LRRC3B: variants seen among roughly 807,000 people sequenced by gnomAD.
The protein encoded by LRRC3B is leucine-rich repeat-containing protein 3B.
Under a neutral mutation model 12.8 loss-of-function variants are expected in LRRC3B, and 2 were observed. That is an observed-to-expected ratio of 0.16 (90% CI 0.06 to 0.49). LRRC3B has a LOEUF of 0.49. LRRC3B is among the 20% of genes least tolerant of loss of function. LRRC3B has a pLI of 0.96. For missense variants in LRRC3B, 189 were observed against 319.4 expected, an observed-to-expected ratio of 0.59 and a Z score of 3.11; for synonymous variants, 132 against 122.0, an observed-to-expected ratio of 1.08 and a Z score of -0.54.
chr3:26,691,037 G>A (rs749087987), intron 1 of LRRC3B, among the ~76,000 whole-genome samples: 12 of 145,254 alleles, frequency 8.3e-5, no homozygotes, highest in East Asian at 2.0e-4. Flanking sequence ...ATATATATGT[G>A]TGTATATATG....
intron 1 of LRRC3B, among the ~76,000 whole-genome samples, chr3:26,676,259 G>A (rs1575151770): frequency 1.6e-5 from 2 of 124,876 alleles, no homozygotes; most frequent in East Asian, 2.3e-4. Context: ...ACAGGCCCTG[G>A]TGTGTGATGT....
intron 1 of LRRC3B, among the ~76,000 whole-genome samples, chr3:26,697,625 T>G (rs1259876244): frequency 6.6e-6 from 1 of 152,152 alleles, no homozygotes; most frequent in Admixed American, 6.5e-5. Context: ...TCCGAAAGAT[T>G]TACATCCATC....
At chr3:26,645,981 C>G (rs188554377) in intron 1 of LRRC3B, among the ~76,000 whole-genome samples, 11 of 152,326 alleles carry the variant, frequency 7.2e-5, no homozygotes, top group Non-Finnish European at 1.2e-4. Flanking sequence ...GGATCTGTTT[C>G]TGACTGTGGT....
chr3:26,624,353 A>C (rs1698573776), intron 1 of LRRC3B: 1 of 152,708 alleles, frequency 6.5e-6, no homozygotes, highest in Non-Finnish European at 1.5e-5. Flanking sequence ...TCACCTCTGC[A>C]GCCAGGTCGG....
chr3:26,664,610 C>A (rs1167959634), intron 1 of LRRC3B, among the ~76,000 whole-genome samples: 1 of 152,086 alleles, frequency 6.6e-6, no homozygotes, highest in African/African-American at 2.4e-5. Context: ...GGAAGTGGTC[C>A]TGTGAAACAC....
chr3:26,630,106 CA>C (rs1177713499), intron 1 of LRRC3B, among the ~76,000 whole-genome samples: 1 of 149,020 alleles, frequency 6.7e-6, no homozygotes, highest in African/African-American at 2.5e-5. Flanking sequence ...TAAGAGAAGA[CA>C]AAAAAAAGAG....
chr3:26,687,314 T>A (rs953101668), intron 1 of LRRC3B, among the ~76,000 whole-genome samples: 1 of 152,246 alleles, frequency 6.6e-6, no homozygotes, highest in African/African-American at 2.4e-5. Flanking sequence ...CTTGGCATAA[T>A]CTTTTAAGGA....
intron 1 of LRRC3B, among the ~76,000 whole-genome samples, chr3:26,708,068 T>G (rs142442035): frequency 1.2e-3 from 185 of 152,356 alleles, no homozygotes; most frequent in Non-Finnish European, 2.0e-3. Context: ...TTCTGTGAGT[T>G]TGGTAACATT....
intron 1 of LRRC3B, among the ~76,000 whole-genome samples, chr3:26,665,609 A>T (rs1699582494): frequency 6.6e-6 from 1 of 152,210 alleles, no homozygotes; most frequent in Non-Finnish European, 1.5e-5. Context: ...TGTGAAAAGT[A>T]AATAAACTGA....
In LRRC3B at chr3:26,685,848, A is replaced by T. The variant is rs148661689; in HGVS notation, c.-160-23665A>T. ...TGTCATTTAGTGGTTCAGTGGGGGC[A>T]CATGCCCAGATATGCTCCATCAATA... On this transcript the variant is annotated intron_variant, in intron 1 of 1. Transcript: ENST00000396641. 8.2e-4 allele frequency among the ~76,000 whole-genome samples: 124 copies of T among 152,082 alleles called. No homozygotes were observed. The Middle Eastern group carries it at 0.024, about 29-fold the overall frequency.
intron 1 of LRRC3B, among the ~76,000 whole-genome samples, chr3:26,650,441 A>G (rs1445317044): frequency 6.6e-6 from 1 of 152,208 alleles, no homozygotes; most frequent in Admixed American, 6.5e-5. Context: ...TAGATCTGGA[A>G]ATGAAGAGAA....
At chr3:26,685,622 T>TATAC (rs2125445085) in intron 1 of LRRC3B, among the ~76,000 whole-genome samples, 1 of 114,380 alleles carries the variant, frequency 8.7e-6, no homozygotes, top group African/African-American at 3.8e-5. Context: ...TGTGTATATA[T>TATAC]ATATATATAT....
chr3:26,623,508 C>G (rs756494738), intron 1 of LRRC3B, among the ~76,000 whole-genome samples: 1 of 152,160 alleles, frequency 6.6e-6, no homozygotes, highest in Non-Finnish European at 1.5e-5. Flanking sequence ...GTGCTCACCC[C>G]GTGCTGTGCA....
At chr3:26,669,233 T>C (rs534550627) in intron 1 of LRRC3B, among the ~76,000 whole-genome samples, 18 of 152,218 alleles carry the variant, frequency 1.2e-4, no homozygotes, top group Non-Finnish European at 1.9e-4. Flanking sequence ...AAAAATTCGA[T>C]GGGAAGATGA....
chr3:26,704,178 A>T (rs1255214360), intron 1 of LRRC3B, among the ~76,000 whole-genome samples: 1 of 152,072 alleles, frequency 6.6e-6, no homozygotes, highest in African/African-American at 2.4e-5. Flanking sequence ...TATCTTCTTT[A>T]AAAAAATCTA....
At chr3:26,674,764 C>A (rs879903540) in intron 1 of LRRC3B, among the ~76,000 whole-genome samples, 1 of 152,114 alleles carries the variant, frequency 6.6e-6, no homozygotes, top group Non-Finnish European at 1.5e-5. Context: ...ATGAACTCAT[C>A]CTTGCTCTCT....
chr3:26,692,802 T>C (rs1700218072), intron 1 of LRRC3B, among the ~76,000 whole-genome samples: 1 of 152,220 alleles, frequency 6.6e-6, no homozygotes, highest in African/African-American at 2.4e-5. Context: ...TTATTATTGC[T>C]CACAAATCCG....
chr3:26,633,989 T>G (rs1698813036), intron 1 of LRRC3B, among the ~76,000 whole-genome samples: 1 of 152,214 alleles, frequency 6.6e-6, no homozygotes, highest in Non-Finnish European at 1.5e-5. Flanking sequence ...ACTAATTAAA[T>G]TAAAAACAAA....
chr3:26,694,460 A>G (rs112011731), intron 1 of LRRC3B: 90 of 152,300 alleles, frequency 5.9e-4, no homozygotes, highest in African/African-American at 1.9e-3. Flanking sequence ...AACTTTCCAT[A>G]GAACCCCTGG....
Sources: allele counts gnomAD v4.1 joint callset (sites outside exome capture counted in the v4.1 genomes callset), GRCh38; gene constraint gnomAD v4.1.1; transcripts MANE v1.5; gene names NCBI Gene and HGNC (gene_info 2026-07-23, HGNC 2026-07-21).